KIAA0232: variants seen among roughly 807,000 people sequenced by gnomAD.
KIAA0232 encodes the protein KIAA0232.
KIAA0232 carries 27 observed loss-of-function variants against 122.0 expected under a neutral mutation model. The ratio of observed to expected loss-of-function variants is 0.22; its 90% CI spans 0.16 to 0.31. KIAA0232 has a LOEUF of 0.31. KIAA0232 is among the 10% of genes least tolerant of loss of function. The pLI is 1.00. For synonymous variants in KIAA0232, 613 were observed against 587.6 expected (o/e 1.04, Z -0.63); for missense variants, 1,551 against 1,634.2 (o/e 0.95, Z 0.88).
chr4:6,852,114 G>A (rs567060609), intron 4 of KIAA0232, among the ~76,000 whole-genome samples: 2 of 151,838 alleles, frequency 1.3e-5, no homozygotes, highest in Non-Finnish European at 2.9e-5. Flanking sequence ...TTATCCATTG[G>A]ATACTTCTCT....
intron 4 of KIAA0232, among the ~76,000 whole-genome samples, chr4:6,847,437 CAG>C (rs764265661): frequency 3.3e-5 from 5 of 152,194 alleles, no homozygotes; most frequent in Non-Finnish European, 5.9e-5. Context: ...ATTGCCAAAA[CAG>C]AAGGGCAATT....
At chr4:6,819,466 AAAG>A (rs1718316839) in intron 2 of KIAA0232, among the ~76,000 whole-genome samples, 1 of 152,232 alleles carries the variant, frequency 6.6e-6, no homozygotes, top group Non-Finnish European at 1.5e-5. Context: ...ACAATTTTCA[AAAG>A]AAGACATACA....
At chr4:6,860,789 A>T in intron 6 of KIAA0232, 112 bp from the exon 7 acceptor site, 2 of 895,800 alleles carry the variant, frequency 2.2e-6, no homozygotes, top group South Asian at 1.6e-5. Flanking sequence ...GGATGATGTG[A>T]ATGTTGACAC....
At chr4:6,870,456 C>T (rs186606126) in intron 7 of KIAA0232, among the ~76,000 whole-genome samples, 80 of 152,318 alleles carry the variant, frequency 5.3e-4, no homozygotes, top group Non-Finnish European at 6.9e-4. Flanking sequence ...CCTTCTGGTT[C>T]GCACCTAAGC....
At chr4:6,801,039 A>C in intron 1 of KIAA0232, among the ~76,000 whole-genome samples, 1 of 152,222 alleles carries the variant, frequency 6.6e-6, no homozygotes, top group East Asian at 1.9e-4. Flanking sequence ...CTTAGTTTGT[A>C]GGAAATTAAG....
chr4:6,846,631 C>T (rs942125533), intron 4 of KIAA0232, among the ~76,000 whole-genome samples: 2 of 151,892 alleles, frequency 1.3e-5, no homozygotes, highest in African/African-American at 4.8e-5. Flanking sequence ...TGCCTTAAAC[C>T]AGCTCACTGG....
chr4:6,798,566 A>G (rs1251899040), intron 1 of KIAA0232, among the ~76,000 whole-genome samples: 2 of 152,046 alleles, frequency 1.3e-5, no homozygotes, highest in Admixed American at 6.5e-5. Flanking sequence ...TACATGCTTT[A>G]TTTTTGAGAC....
intron 3 of KIAA0232, among the ~76,000 whole-genome samples, chr4:6,839,303 A>G (rs887963339): frequency 1.3e-5 from 2 of 152,238 alleles, no homozygotes; most frequent in Non-Finnish European, 2.9e-5. Flanking sequence ...AAAATTTTAC[A>G]TATAAGGAAT....
At position 6,855,089 on chromosome 4, in the gene KIAA0232, T is replaced by A. The variant is rs1238370196; in HGVS notation, c.370-2075T>A. On this transcript the variant is annotated intron_variant, in intron 4 of 9. Coordinates refer to ENST00000307659, the MANE Select transcript of KIAA0232 (RefSeq NM_014743.3). This position sits in a 1 kb window ranked among gnomAD's most constrained non-coding sequence, Gnocchi z 4.3. The stretch of plus-strand genomic sequence containing the variant: ...ATTTTTTATTTTTTATTTTTTATTT[T>A]TTTTTATTTTTTTGAGACCGAGTCT... Among the ~76,000 whole-genome samples, 4 of 151,754 alleles carry A rather than the reference T, an allele frequency of 2.6e-5. No individual in the cohort carries two copies. Among genetic ancestry groups the A allele is most frequent in the Admixed American group, 6.6e-5 (1 of 15,212 alleles).
chr4:6,821,254 G>T (rs1364014151), intron 2 of KIAA0232, among the ~76,000 whole-genome samples: 1 of 151,766 alleles, frequency 6.6e-6, no homozygotes, highest in African/African-American at 2.4e-5. Flanking sequence ...GGTTTTTGGG[G>T]AACAGGTGAT....
At chr4:6,787,321 AAAG>A (rs1333049000) in intron 1 of KIAA0232, among the ~76,000 whole-genome samples, 1 of 152,194 alleles carries the variant, frequency 6.6e-6, no homozygotes, top group Non-Finnish European at 1.5e-5. Flanking sequence ...GGGCTTCTTA[AAAG>A]AATATTAGAA....
chr4:6,822,845 G>C (rs974456952), intron 2 of KIAA0232, among the ~76,000 whole-genome samples: 5 of 149,028 alleles, frequency 3.4e-5, no homozygotes, highest in African/African-American at 1.2e-4. Context: ...AGTTACATAT[G>C]TATACATGTG....
chr4:6,853,774 G>A (rs1331262113), intron 4 of KIAA0232, among the ~76,000 whole-genome samples: 1 of 152,204 alleles, frequency 6.6e-6, no homozygotes, highest in Non-Finnish European at 1.5e-5. Flanking sequence ...GGTCCAAGTT[G>A]AGAAGGATGG....
Position 6,863,357 on chromosome 4 carries a change from C to G in KIAA0232, c.2975C>G (p.Pro992Arg), listed in dbSNP as rs777332129. The change falls in exon 7 of 10, where the codon CCC becomes CGC. Residue 992 changes from proline to arginine, a missense_variant. Physicochemically the swap from Pro to Arg is moderately radical, Grantham distance 103. This residue lies in a region of KIAA0232 where 1,108 missense variants were observed against 1,154.8 expected (regional missense o/e 0.96). Coordinates refer to ENST00000307659, the MANE Select transcript of KIAA0232 (RefSeq NM_014743.3). ...CCTGGGCACAGGCAGTTATGGAAAC[C>G]CTTCGTGTCATTTGAACAGAATGAT... ...FAPGHRQLWK[P>R]FVSFEQNDQP... 6.8e-6 allele frequency: 11 copies of G among 1,614,122 alleles called. No homozygotes were observed. Among genetic ancestry groups the G allele is most frequent in the Admixed American group, 3.3e-5 (2 of 60,018 alleles).
At chr4:6,851,647 T>C (rs1185874970) in intron 4 of KIAA0232, among the ~76,000 whole-genome samples, 1 of 144,826 alleles carries the variant, frequency 6.9e-6, no homozygotes, top group African/African-American at 2.6e-5. Context: ...GTCCTGGAGG[T>C]CAAGGATATG....
Position 6,881,033 on chromosome 4 carries a change from C to A in KIAA0232, c.*67C>A. On this transcript the variant is annotated 3_prime_UTR_variant, in exon 10 of 10. Coordinates refer to ENST00000307659, the MANE Select transcript of KIAA0232 (RefSeq NM_014743.3). ...GATGGAAAATTACTCTTCAGTGAGA[C>A]CTGTTAATCTAAAACAACAACTTAG... 8.6e-7 allele frequency: 1 copy of A among 1,157,240 alleles called. No homozygotes were observed. The highest frequency in any genetic ancestry group is 1.1e-6 in the Non-Finnish European group (1 of 879,542). The allele number at this position is 1,157,240 out of a possible 1,614,324, so 71.7% of individuals were successfully genotyped here.
chr4:6,795,274 G>T (rs879696966), intron 1 of KIAA0232, among the ~76,000 whole-genome samples: 6 of 152,002 alleles, frequency 3.9e-5, no homozygotes, highest in African/African-American at 7.2e-5. Flanking sequence ...GGGTTTCATC[G>T]TGCTAGCCAG....
intron 2 of KIAA0232, among the ~76,000 whole-genome samples, chr4:6,808,536 G>A (rs896779369): frequency 7.3e-5 from 11 of 150,384 alleles, no homozygotes; most frequent in Non-Finnish European, 1.5e-4. Flanking sequence ...CTTTACATAA[G>A]GCGAAAGCCT....
chr4:6,880,516 A>T (rs1475981804), intron 9 of KIAA0232, among the ~76,000 whole-genome samples: 2 of 152,250 alleles, frequency 1.3e-5, no homozygotes, highest in East Asian at 3.8e-4. Flanking sequence ...CAGGTACTCA[A>T]AGACTTTGAA....
Sources: gnomAD v4.1 joint callset for allele counts (sites outside exome capture counted in the v4.1 genomes callset) on GRCh38, gnomAD v4.1.1 for gene constraint, gnomAD v4.1.1 regional missense constraint, Gnocchi (gnomAD v3.1) non-coding constraint, MANE v1.5 for transcripts, NCBI Gene and HGNC (gene_info 2026-07-23, HGNC 2026-07-21) for gene names.